The following GAB1 variants were observed in gnomAD, a reference collection of about 807,000 sequenced individuals.
GAB1 encodes GRB2 associated binding protein 1.
In GAB1, 19 loss-of-function variants were observed where a neutral mutation model predicts 66.5. The ratio of observed to expected loss-of-function variants is 0.29; its 90% CI spans 0.20 to 0.42. The LOEUF (loss-of-function observed/expected upper bound fraction) is 0.42. Ranked by LOEUF, GAB1 falls within the 10% of genes least tolerant of loss-of-function variation. The pLI is 1.00. For missense variants in GAB1, 732 were observed against 858.5 expected (o/e 0.85, Z 1.84); for synonymous variants, 294 against 301.4 (o/e 0.98, Z 0.25).
intron 1 of GAB1, among the ~76,000 whole-genome samples, chr4:143,340,185 G>A (rs1455951946): frequency 6.6e-6 from 1 of 152,092 alleles, no homozygotes; most frequent in African/African-American, 2.4e-5. Context: ...ACATGTATAC[G>A]TGCATTTCCT....
chr4:143,380,323 CTAATT>C (rs1730605892), intron 1 of GAB1, among the ~76,000 whole-genome samples: 1 of 152,012 alleles, frequency 6.6e-6, no homozygotes, highest in African/African-American at 2.4e-5. Flanking sequence ...TAAAATCAAA[CTAATT>C]TATATGCTGT....
chr4:143,433,340 AG>A (rs1370570487), intron 2 of GAB1, 150 bp from the exon 3 acceptor site: 13 of 630,064 alleles, frequency 2.1e-5, no homozygotes, highest in Non-Finnish European at 3.7e-5. Flanking sequence ...TCCTGTATAA[AG>A]GTCGCCATTT....
At chr4:143,397,978 G>T (rs1731538019) in intron 1 of GAB1, among the ~76,000 whole-genome samples, 1 of 152,180 alleles carries the variant, frequency 6.6e-6, no homozygotes, top group South Asian at 2.1e-4. Context: ...ATAGATGTAG[G>T]CTCATTCCTC....
chr4:143,361,818 G>A (rs747581021), intron 1 of GAB1, among the ~76,000 whole-genome samples: 2 of 152,162 alleles, frequency 1.3e-5, no homozygotes, highest in Non-Finnish European at 2.9e-5. Context: ...ATTATTTGGT[G>A]GAGCCAGTGT....
At chr4:143,434,141 A>G in intron 3 of GAB1, 1 of 1,290,082 alleles carries the variant, frequency 7.8e-7, no homozygotes, top group South Asian at 1.2e-5. Context: ...CTACTAGAAG[A>G]TTTTGAAAGC....
Position 143,354,227 on chromosome 4 carries a change from G to A in GAB1, c.72+16967G>A, listed in dbSNP as rs139241963. On this transcript the variant is annotated intron_variant, in intron 1 of 9. Coordinates refer to ENST00000262994, the MANE Select transcript of GAB1 (RefSeq NM_002039.4). ...CTTGCTTTCTTTTGTTTTTAAAATC[G>A]TACACTTGGTATATATCTTGGTGTA... Among the ~76,000 whole-genome samples the A allele has an allele frequency of 1.7e-3, 254 of 152,078 alleles. 2 individuals are homozygous for A. Among genetic ancestry groups the A allele is most frequent in the African/African-American group, 2.1e-3 (86 of 41,490 alleles).
intron 6 of GAB1, among the ~76,000 whole-genome samples, chr4:143,449,176 C>A (rs1734746452): frequency 6.7e-6 from 1 of 148,376 alleles, no homozygotes; most frequent in Admixed American, 6.7e-5. Context: ...AATTTCTGTT[C>A]TTTTACATTT....
At chr4:143,379,962 G>A (rs1730587544) in intron 1 of GAB1, among the ~76,000 whole-genome samples, 1 of 150,166 alleles carries the variant, frequency 6.7e-6, no homozygotes, top group Admixed American at 6.7e-5. Context: ...GCTCTTTTGG[G>A]GCTTACAATA....
At chr4:143,406,591 C>T (rs979194728) in intron 1 of GAB1, among the ~76,000 whole-genome samples, 11 of 152,174 alleles carry the variant, frequency 7.2e-5, no homozygotes, top group Non-Finnish European at 1.5e-4. Flanking sequence ...CTCTGTGTCC[C>T]GATTTTCCTC....
intron 1 of GAB1, among the ~76,000 whole-genome samples, chr4:143,340,785 A>T (rs1182863689): frequency 6.6e-6 from 1 of 152,344 alleles, no homozygotes; most frequent in East Asian, 1.9e-4. Context: ...TACAGGCATG[A>T]GCCACCACGC....
intron 1 of GAB1, among the ~76,000 whole-genome samples, chr4:143,371,624 C>T (rs946956999): frequency 1.3e-5 from 2 of 152,078 alleles, no homozygotes; most frequent in African/African-American, 4.8e-5. Flanking sequence ...AGTCCTTGCC[C>T]ATGCCTATGT....
chr4:143,378,604 G>A (rs539517358), intron 1 of GAB1, among the ~76,000 whole-genome samples: 12 of 150,292 alleles, frequency 8.0e-5, no homozygotes, highest in African/African-American at 2.5e-4. Context: ...GCTTTTTTGT[G>A]ACAGCCTATT....
rs889789957 is a variant in GAB1, at chr4:143,449,782, C to A, written c.1585+9400C>A. 1.6e-4 allele frequency among the ~76,000 whole-genome samples: 25 copies of A among 151,806 alleles called. 1 individual carries two copies. Among genetic ancestry groups the A allele is most frequent in the Admixed American group, 1.6e-3 (24 of 15,204 alleles). On this transcript the variant is annotated intron_variant, in intron 6 of 9. Coordinates refer to ENST00000262994, the MANE Select transcript of GAB1 (RefSeq NM_002039.4). ...GTGTCTTTCAATTGGAGCATTTAGT[C>A]CATTTACATTTAAAGTTAATATTGT... is the stretch of plus-strand genomic sequence containing the variant.
At chr4:143,369,036 T>C (rs1581234976) in intron 1 of GAB1, among the ~76,000 whole-genome samples, 1 of 152,038 alleles carries the variant, frequency 6.6e-6, no homozygotes, top group East Asian at 1.9e-4. Flanking sequence ...ACCTTCTGGG[T>C]TCAAGCAATT....
chr4:143,426,338 C>G (rs1437659559), intron 2 of GAB1, among the ~76,000 whole-genome samples: 1 of 152,058 alleles, frequency 6.6e-6, no homozygotes, highest in East Asian at 1.9e-4. Context: ...TCTCTTGAAC[C>G]CAGGAGTTTG....
intron 1 of GAB1, among the ~76,000 whole-genome samples, chr4:143,412,242 G>C (rs1489255069): frequency 6.6e-6 from 1 of 152,186 alleles, no homozygotes; most frequent in African/African-American, 2.4e-5. Flanking sequence ...CATGTTCTGT[G>C]CTTTTCTGTT....
chr4:143,449,464 CTG>C (rs1478021139), intron 6 of GAB1, among the ~76,000 whole-genome samples: 5 of 151,894 alleles, frequency 3.3e-5, no homozygotes, highest in Non-Finnish European at 7.4e-5. Context: ...CTTTATGAAT[CTG>C]GGTGCTCCTG....
At chr4:143,439,478 G>A (rs796222267) in intron 4 of GAB1, among the ~76,000 whole-genome samples, 15 of 152,282 alleles carry the variant, frequency 9.9e-5, no homozygotes, top group African/African-American at 3.6e-4. Flanking sequence ...TGAGATGTAA[G>A]TTATGCCCAA....
At chr4:143,446,733 A>AT (rs1348217161) in intron 6 of GAB1, among the ~76,000 whole-genome samples, 1 of 151,930 alleles carries the variant, frequency 6.6e-6, no homozygotes. Flanking sequence ...ATTTTCTCCC[A>AT]TTTTGTAAGT....
Sources: gnomAD v4.1 joint callset for allele counts (sites outside exome capture counted in the v4.1 genomes callset) on GRCh38, gnomAD v4.1.1 for gene constraint, MANE v1.5 for transcripts, NCBI Gene and HGNC (gene_info 2026-07-23, HGNC 2026-07-21) for gene names.